The following CTNNAL1 variants were observed in gnomAD, a reference collection of about 807,000 sequenced individuals.
The protein encoded by CTNNAL1 is alpha-catulin.
Under a neutral mutation model 93.6 loss-of-function variants are expected in CTNNAL1, and 69 were observed. The observed-to-expected ratio is 0.74, with a 90% CI of 0.61 to 0.90. CTNNAL1 has a LOEUF of 0.90. CTNNAL1 is among the 40% of genes least tolerant of loss of function. The pLI is 0.00. For missense variants in CTNNAL1, 836 were observed against 862.0 expected, an observed-to-expected ratio of 0.97 and a Z score of 0.38; for synonymous variants, 286 against 305.4, an observed-to-expected ratio of 0.94 and a Z score of 0.66.
rs553480645 is a variant in CTNNAL1 at position 109,003,803 on chromosome 9, T to C, written c.142-4547A>G. On this transcript the variant is annotated intron_variant, in intron 1 of 18. Transcript: ENST00000325551. The stretch of plus-strand genomic sequence containing the variant: ...GCCAACATCATGGATTTCCAGCTGA[T>C]GTTGTGACTTTGGAGAGGATATGGA... Among the ~76,000 whole-genome samples, 3 of 152,336 alleles carry C rather than the reference T, an allele frequency of 2.0e-5. No individual in the cohort carries two copies. In the South Asian group the frequency reaches 6.2e-4, roughly 32 times the overall value.
At chr9:108,952,119 T>C in intron 14 of CTNNAL1, 90 bp downstream of exon 14, 1 of 1,145,368 alleles carries the variant, frequency 8.7e-7, no homozygotes, top group Non-Finnish European at 1.2e-6. Context: ...GATACCGACT[T>C]TAACCTGTCA....
At chr9:109,004,793 ATAAAT>A (rs779805568) in intron 1 of CTNNAL1, among the ~76,000 whole-genome samples, 2 of 151,618 alleles carry the variant, frequency 1.3e-5, no homozygotes, top group African/African-American at 2.4e-5. Context: ...CTTGAAAAAA[ATAAAT>A]AAATAAATAA....
intron 1 of CTNNAL1, among the ~76,000 whole-genome samples, chr9:109,012,814 G>A (rs1169499548): frequency 1.3e-5 from 2 of 152,174 alleles, no homozygotes; most frequent in Non-Finnish European, 2.9e-5. Flanking sequence ...CACGCTGGGC[G>A]GGGAGGCCGG....
chr9:108,979,315 T>C lies in CTNNAL1; in HGVS notation c.1067A>G (p.Glu356Gly). The C allele has an allele frequency of 3.1e-6, 5 of 1,614,154 alleles. No individual in the cohort carries two copies. Among genetic ancestry groups the C allele is most frequent in the Non-Finnish European group, 4.2e-6 (5 of 1,180,010 alleles). ...ILELSTQARM[E>G]LQQLISVWIQ... ...CCACACAGAAATTAACTGCTGCAGT[T>C]CCATTCTCGCCTGAGTTGACAGTTC... The change falls in exon 7 of 19, where the codon GAA becomes GGA. Residue 356 changes from glutamate (E) to glycine (G), a missense_variant. Glu to Gly is a moderately conservative substitution (Grantham distance 98). Transcript: ENST00000325551.
chr9:108,951,975 T>C (rs919025768), intron 14 of CTNNAL1, among the ~76,000 whole-genome samples: 3 of 152,184 alleles, frequency 2.0e-5, no homozygotes, highest in African/African-American at 7.2e-5. Context: ...ATTTCAATGA[T>C]GGAAAGAGTG....
intron 2 of CTNNAL1, among the ~76,000 whole-genome samples, chr9:108,994,372 A>T (rs1831935411): frequency 6.6e-6 from 1 of 152,212 alleles, no homozygotes; most frequent in South Asian, 2.1e-4. Context: ...AACATTAAGA[A>T]GATGATTTGG....
chr9:108,948,865 C>G (rs186368815), intron 14 of CTNNAL1, among the ~76,000 whole-genome samples: 1 of 151,914 alleles, frequency 6.6e-6, no homozygotes, highest in South Asian at 2.1e-4. Flanking sequence ...AGGGATAAGT[C>G]AGAAAATCTG....
intron 10 of CTNNAL1, 84 bp downstream of exon 10, chr9:108,970,318 A>T (rs1831074533): frequency 1.6e-6 from 2 of 1,225,380 alleles, no homozygotes; most frequent in Admixed American, 5.6e-5. Context: ...GTTATGAAAA[A>T]CCATTTATAC....
intron 1 of CTNNAL1, among the ~76,000 whole-genome samples, chr9:109,007,024 G>C (rs1342475404): frequency 6.6e-6 from 1 of 152,142 alleles, no homozygotes; most frequent in African/African-American, 2.4e-5. Flanking sequence ...TTCAAGACCA[G>C]CCTGGCCAAC....
intron 11 of CTNNAL1, among the ~76,000 whole-genome samples, chr9:108,957,764 G>T (rs573357441): frequency 1.1e-4 from 16 of 152,230 alleles, no homozygotes; most frequent in Non-Finnish European, 2.1e-4. Flanking sequence ...TTCAAAGTCT[G>T]AATCCTGTCC....
intron 9 of CTNNAL1, 56 bp from the exon 10 acceptor site, chr9:108,970,550 T>A (rs931923177): frequency 5.2e-5 from 73 of 1,406,798 alleles, no homozygotes; most frequent in Non-Finnish European, 6.1e-5. Flanking sequence ...CCACAATACA[T>A]AGTATCATTT....
chr9:108,972,864 G>GGGGCCCCC, intron 8 of CTNNAL1, 31 bp from the exon 9 acceptor site: 40 of 142,420 alleles, frequency 2.8e-4, no homozygotes, highest in Middle Eastern at 1.9e-3. Flanking sequence ...GGGGGGGTGG[G>GGGGCCCCC]AGGGTGGAGA....
At chr9:108,963,848 T>C (rs984051798) in intron 11 of CTNNAL1, among the ~76,000 whole-genome samples, 4 of 152,184 alleles carry the variant, frequency 2.6e-5, no homozygotes, top group Non-Finnish European at 5.9e-5. Flanking sequence ...CAAAAGACTT[T>C]TAGAGCTGAC....
chr9:108,976,265 A>G (rs73654205), intron 8 of CTNNAL1, among the ~76,000 whole-genome samples: 24 of 152,268 alleles, frequency 1.6e-4, no homozygotes, highest in African/African-American at 5.8e-4. Context: ...TTATACATAT[A>G]ATCATTTGTG....
rs145754493 is a variant in CTNNAL1, at chr9:108,969,984, G to T, written c.1440+418C>A. Among the ~76,000 whole-genome samples, 380 of 152,176 alleles carry T rather than the reference G, an allele frequency of 2.5e-3. 1 individual carries two copies. The highest frequency in any genetic ancestry group is 8.6e-3 in the African/African-American group (355 of 41,500). On this transcript the variant is annotated intron_variant, in intron 10 of 18. Transcript: ENST00000325551. ...CCATGCCTGGTCCCAATTGAATCTT[G>T]TAAGTAATGTCATAACATTGTTTTG...
intron 11 of CTNNAL1, among the ~76,000 whole-genome samples, chr9:108,962,127 A>G (rs1830834103): frequency 6.6e-6 from 1 of 152,190 alleles, no homozygotes; most frequent in South Asian, 2.1e-4. Flanking sequence ...TCACTGTGGG[A>G]TACTTCGAGC....
At chr9:108,983,362 T>C (rs1831497808) in intron 5 of CTNNAL1, 47 bp from the exon 6 acceptor site, 1 of 1,373,020 alleles carries the variant, frequency 7.3e-7, no homozygotes, top group Non-Finnish European at 9.5e-7. Flanking sequence ...ATTTATGTCA[T>C]AATGCACAAA....
chr9:108,998,680 T>C (rs1832113684), intron 2 of CTNNAL1, among the ~76,000 whole-genome samples: 1 of 152,216 alleles, frequency 6.6e-6, no homozygotes, highest in Non-Finnish European at 1.5e-5. Flanking sequence ...TGAACCATCA[T>C]GAAGTTTGAA....
At chr9:108,982,848 C>A (rs540006812) in intron 6 of CTNNAL1, among the ~76,000 whole-genome samples, 12 of 152,252 alleles carry the variant, frequency 7.9e-5, no homozygotes, top group African/African-American at 2.9e-4. Flanking sequence ...GAGGCCCAGG[C>A]GGGTAGATCA....
Sources: allele counts gnomAD v4.1 joint callset (sites outside exome capture counted in the v4.1 genomes callset), GRCh38; gene constraint gnomAD v4.1.1; transcripts MANE v1.5; gene names NCBI Gene and HGNC (gene_info 2026-07-23, HGNC 2026-07-21).